TRPS1: variants seen among roughly 807,000 people sequenced by gnomAD.
TRPS1 encodes the protein transcriptional repressor GATA binding 1.
In TRPS1, 6 loss-of-function variants were observed where a neutral mutation model predicts 101.2. That is an observed-to-expected ratio of 0.06 (90% CI 0.03 to 0.12). The LOEUF (loss-of-function observed/expected upper bound fraction) is 0.12. Among genes scored for constraint, TRPS1 ranks in the 10% least tolerant of loss-of-function variants. The pLI, the probability that TRPS1 is intolerant of heterozygous loss-of-function variation, is 1.00. For missense variants in TRPS1, 1,363 were observed against 1,567.0 expected, an observed-to-expected ratio of 0.87 and a Z score of 2.20; for synonymous variants, 578 against 589.8, an observed-to-expected ratio of 0.98 and a Z score of 0.29.
At chr8:115,611,198 A>G (rs1818155943) in intron 3 of TRPS1, among the ~76,000 whole-genome samples, 4 of 152,144 alleles carry the variant, frequency 2.6e-5, no homozygotes, top group Non-Finnish European at 5.9e-5. Flanking sequence ...AATGCAGTTC[A>G]AGTGGGTTAC....
intron 4 of TRPS1, among the ~76,000 whole-genome samples, chr8:115,594,641 A>G (rs1372071123): frequency 2.6e-5 from 4 of 151,758 alleles, no homozygotes; most frequent in Non-Finnish European, 5.9e-5. Flanking sequence ...TACTTTATAG[A>G]ATTTTCATGT....
chr8:115,455,755 T>TTTTC (rs35585069), intron 5 of TRPS1, among the ~76,000 whole-genome samples: 34,734 of 138,040 alleles, frequency 0.25, 5,033 homozygotes, highest in East Asian at 0.41. Flanking sequence ...GCTTTTTTCT[T>TTTTC]TTTCTTTCTT....
intron 5 of TRPS1, among the ~76,000 whole-genome samples, chr8:115,492,963 C>T (rs1815064949): frequency 6.6e-6 from 1 of 152,120 alleles, no homozygotes; most frequent in Admixed American, 6.5e-5. Context: ...GATCTGTTCA[C>T]CTTGGTCTCC....
At chr8:115,535,651 G>T (rs1349103829) in intron 5 of TRPS1, among the ~76,000 whole-genome samples, 2 of 150,700 alleles carry the variant, frequency 1.3e-5, no homozygotes, top group Non-Finnish European at 3.0e-5. Context: ...CACGAGGTCA[G>T]GAGATCAAGA....
At position 115,619,541 on chromosome 8, in the gene TRPS1, T is replaced by C; in HGVS notation, c.557A>G (p.Asn186Ser). The C allele has an allele frequency of 6.2e-7, 1 of 1,614,168 alleles. No individual in the cohort carries two copies. Among genetic ancestry groups the C allele is most frequent in the Non-Finnish European group, 8.5e-7 (1 of 1,180,016 alleles). The change falls in exon 3 of 7, where the codon AAT (asparagine) becomes AGT (serine). Residue 186 changes from asparagine (N) to serine (S), a missense_variant. Asn to Ser is a conservative substitution (Grantham distance 46, BLOSUM62 1). This residue lies in a region of TRPS1 where 1,020 missense variants were observed against 1,073.0 expected (regional missense o/e 0.95). Coordinates refer to ENST00000395715, the MANE Select transcript of TRPS1 (RefSeq NM_014112.5). ...TGAAACTGGGCTCAAACCTTGACAA[T>C]TGGCTTGACCACTCTGTGCTTGCCC... ...ETGQAQSGQANCQGLSPVSVA... is the reference protein window; with the variant it reads ...ETGQAQSGQASCQGLSPVSVA...
intron 1 of TRPS1, among the ~76,000 whole-genome samples, chr8:115,639,783 C>T (rs777031561): frequency 1.3e-5 from 2 of 152,088 alleles, no homozygotes; most frequent in Admixed American, 6.5e-5. Context: ...GAGCTGAGAT[C>T]GTGCCACTGC....
At chr8:115,555,868 CAAAAA>C (rs11352416) in intron 5 of TRPS1, among the ~76,000 whole-genome samples, 3 of 148,830 alleles carry the variant, frequency 2.0e-5, no homozygotes, top group African/African-American at 7.4e-5. Flanking sequence ...AACAAACAAA[CAAAAA>C]AAAAAGCCAG....
At chr8:115,520,168 T>C (rs1815822827) in intron 5 of TRPS1, among the ~76,000 whole-genome samples, 2 of 151,764 alleles carry the variant, frequency 1.3e-5, no homozygotes, top group South Asian at 4.2e-4. Context: ...ATTGGCAGTT[T>C]TAATTACATG....
intron 1 of TRPS1, among the ~76,000 whole-genome samples, chr8:115,645,063 G>A (rs1818993278): frequency 6.6e-6 from 1 of 152,106 alleles, no homozygotes; most frequent in South Asian, 2.1e-4. Context: ...TTTTCCAAAT[G>A]TGACAAAGAG....
chr8:115,498,405 CTCTCTCTCTCTATA>C (rs1385464423), intron 5 of TRPS1, among the ~76,000 whole-genome samples: 13 of 85,664 alleles, frequency 1.5e-4, no homozygotes, highest in South Asian at 4.8e-4. Flanking sequence ...CTCTCTCTCT[CTCTCTCTCTCTATA>C]TATATATATA....
At chr8:115,552,286 A>C (rs527277706) in intron 5 of TRPS1, among the ~76,000 whole-genome samples, 1 of 152,266 alleles carries the variant, frequency 6.6e-6, no homozygotes, top group South Asian at 2.1e-4. Flanking sequence ...AAATTAAAGT[A>C]TCTGTCTGAG....
Position 115,623,345 on chromosome 8 carries a change from G to T in TRPS1, c.37+256C>A, listed in dbSNP as rs1006331127. On this transcript the variant is annotated intron_variant, in intron 2 of 6. Coordinates refer to ENST00000395715, the MANE Select transcript of TRPS1 (RefSeq NM_014112.5). ...TTAATTTAGTTGACTATACTTTGAA[G>T]TAGCTATAGAAGAAATAATTTTACT... Among the ~76,000 whole-genome samples the T allele has an allele frequency of 2.0e-5, 3 of 151,926 alleles. No individual in the cohort carries two copies. The South Asian group carries it at 6.2e-4, about 31-fold the overall frequency.
chr8:115,490,635 C>G (rs1814997926), intron 5 of TRPS1, among the ~76,000 whole-genome samples: 1 of 152,060 alleles, frequency 6.6e-6, no homozygotes, highest in Non-Finnish European at 1.5e-5. Flanking sequence ...TGCTGTCATT[C>G]CTTTTGTCTG....
intron 5 of TRPS1, among the ~76,000 whole-genome samples, chr8:115,478,869 G>A (rs1337071800): frequency 6.9e-6 from 1 of 145,834 alleles, no homozygotes; most frequent in Non-Finnish European, 1.5e-5. Flanking sequence ...GTGTATATAT[G>A]TGTAGATGTG....
intron 5 of TRPS1, among the ~76,000 whole-genome samples, chr8:115,517,092 G>T (rs1815731076): frequency 6.6e-6 from 1 of 151,280 alleles, no homozygotes; most frequent in Non-Finnish European, 1.5e-5. Flanking sequence ...CAAAATATAT[G>T]GTTGTTCATC....
chr8:115,662,389 C>G (rs985909989), intron 1 of TRPS1, among the ~76,000 whole-genome samples: 1 of 151,652 alleles, frequency 6.6e-6, no homozygotes, highest in Admixed American at 6.6e-5. Flanking sequence ...GCAAAGTCCA[C>G]GACAAGTAAC....
At chr8:115,639,874 G>A (rs536623266) in intron 1 of TRPS1, among the ~76,000 whole-genome samples, 1 of 152,066 alleles carries the variant, frequency 6.6e-6, no homozygotes, top group Non-Finnish European at 1.5e-5. Flanking sequence ...GTAGTGGAAT[G>A]TCAGTCGCCT....
Position 115,604,043 on chromosome 8 carries a change from G to T in TRPS1, c.1926C>A (p.Leu642=). ...CATGCACACTTTCATAGTGAAAGAG[G>T]AGTACATCTACGTCAGGGGTGGTGA... ...CSFTTPDVDV[L]LFHYESVHES... is the part of the protein sequence containing the mutation. Residue 642 remains leucine, a synonymous_variant, in exon 4 of 7, where the codon CTC becomes CTA. Transcript: ENST00000395715. This position sits in a 1 kb window ranked among gnomAD's most constrained non-coding sequence, Gnocchi z 4.1. 6.2e-7 allele frequency: 1 copy of T among 1,614,032 alleles called. No homozygotes were observed. Among genetic ancestry groups the T allele is most frequent in the Non-Finnish European group, 8.5e-7 (1 of 1,179,994 alleles).
intron 5 of TRPS1, among the ~76,000 whole-genome samples, chr8:115,473,985 T>G (rs536495539): frequency 1.3e-5 from 2 of 152,332 alleles, no homozygotes; most frequent in East Asian, 1.9e-4. Context: ...GAGACAATGA[T>G]GAAAAGCTTT....
Sources: allele counts gnomAD v4.1 joint callset (sites outside exome capture counted in the v4.1 genomes callset), GRCh38; gene constraint gnomAD v4.1.1; regional missense constraint gnomAD v4.1.1; non-coding constraint Gnocchi (gnomAD v3.1); transcripts MANE v1.5; gene names NCBI Gene and HGNC (gene_info 2026-07-23, HGNC 2026-07-21).